The following VPS39 variants were observed in gnomAD, a reference collection of about 807,000 sequenced individuals.
The protein encoded by VPS39 is VPS39 subunit of HOPS complex.
In VPS39, 70 loss-of-function variants were observed where a neutral mutation model predicts 121.0. The ratio of observed to expected loss-of-function variants is 0.58; its 90% confidence interval spans 0.48 to 0.71. The LOEUF is 0.71. Ranked by LOEUF, VPS39 falls within the 30% of genes least tolerant of loss-of-function variation. The pLI, the probability that VPS39 is intolerant of heterozygous loss-of-function variation, is 0.00. For synonymous variants in VPS39, 378 were observed against 398.1 expected (o/e 0.95, Z 0.60); for missense variants, 818 against 1,051.5 (o/e 0.78, Z 3.07).
At chr15:42,172,854 A>G (rs2049373914) in intron 11 of VPS39, among the ~76,000 whole-genome samples, 1 of 152,190 alleles carries the variant, frequency 6.6e-6, no homozygotes, top group Admixed American at 6.5e-5. Context: ...TTCTACTTAA[A>G]CGATCCAGAG....
chr15:42,181,596 T>A (rs1454447126), intron 8 of VPS39, among the ~76,000 whole-genome samples: 1 of 152,182 alleles, frequency 6.6e-6, no homozygotes, highest in Non-Finnish European at 1.5e-5. Flanking sequence ...AGTAAAAAAA[T>A]TAGTAAAAAG....
At chr15:42,204,845 C>T (rs1375940450) in intron 1 of VPS39, among the ~76,000 whole-genome samples, 2 of 151,904 alleles carry the variant, frequency 1.3e-5, no homozygotes, top group Non-Finnish European at 2.9e-5. Context: ...CATTGTTTCT[C>T]TGGAAAATAT....
At chr15:42,189,274 G>T in intron 4 of VPS39, 66 bp from the exon 5 acceptor site, 1 of 1,289,746 alleles carries the variant, frequency 7.8e-7, no homozygotes, top group Non-Finnish European at 1.1e-6. Context: ...CACTATCGAG[G>T]CAAAAAAAGT....
intron 1 of VPS39, among the ~76,000 whole-genome samples, chr15:42,206,931 A>G (rs1211251986): frequency 6.6e-6 from 1 of 152,222 alleles, no homozygotes; most frequent in Non-Finnish European, 1.5e-5. Context: ...GCATTTAATG[A>G]CAGAAATTGG....
At chr15:42,192,012 C>T (rs2049837917) in intron 2 of VPS39, 8 of 1,526,394 alleles carry the variant, frequency 5.2e-6, no homozygotes, top group African/African-American at 1.4e-5. Context: ...GGAGACAGAG[C>T]AAACACTCAA....
chr15:42,171,744 A>G (rs1474487808), intron 11 of VPS39, among the ~76,000 whole-genome samples: 2 of 152,018 alleles, frequency 1.3e-5, no homozygotes, highest in Non-Finnish European at 2.9e-5. Context: ...AATAATAAAC[A>G]ATTACTCCCT....
At position 42,162,078 on chromosome 15, in the gene VPS39, C is replaced by T. The variant is rs551666623; in HGVS notation, c.2414G>A (p.Arg805Gln). Residue 805 changes from arginine (R) to glutamine (Q), a missense_variant, in exon 23 of 25, where the codon CGG becomes CAG. Coordinates refer to ENST00000318006, the MANE Select transcript of VPS39 (RefSeq NM_015289.5). ...KVLEENAQKKRFNQVLKNLLH... is the reference protein window; with the variant it reads ...KVLEENAQKKQFNQVLKNLLH... Reference sequence around the variant, plus strand: ...AAGGTTCTTGAGCACTTGATTGAACCGTTTCTTTTGTGCATTTTCTTCCAA... The same window carrying T: ...AAGGTTCTTGAGCACTTGATTGAACTGTTTCTTTTGTGCATTTTCTTCCAA... The T allele has an allele frequency of 2.5e-6, 4 of 1,614,144 alleles. No individual in the cohort carries two copies. The highest frequency in any genetic ancestry group is 4.5e-5 in the East Asian group (2 of 44,894).
chr15:42,166,642 C>T lies in VPS39; in HGVS notation c.1527G>A (p.Gln509=). 1 of 1,614,174 alleles carries T rather than the reference C, an allele frequency of 6.2e-7. No individual in the cohort carries two copies. ...CTTTCTTGGACTGGTCCACGAGCAC[C>T]TGCAGAGCTGGCCACCAAGCCCAAG... is the stretch of plus-strand genomic sequence containing the variant. ...EKKGLHEKAL[Q]VLVDQSKKAN... The change falls in exon 15 of 25, where the codon CAG becomes CAA. Residue 509 remains glutamine (Q), a synonymous_variant. Coordinates refer to ENST00000318006, the MANE Select transcript of VPS39 (RefSeq NM_015289.5).
intron 8 of VPS39, among the ~76,000 whole-genome samples, chr15:42,180,454 A>G (rs1425924669): frequency 3.3e-5 from 5 of 152,208 alleles, no homozygotes; most frequent in African/African-American, 1.2e-4. Context: ...CAAAGCTTAA[A>G]ATGCTGGATG....
intron 1 of VPS39, among the ~76,000 whole-genome samples, chr15:42,206,864 T>G (rs1018622810): frequency 3.3e-5 from 5 of 152,238 alleles, no homozygotes; most frequent in African/African-American, 1.2e-4. Flanking sequence ...TTTCATGCAG[T>G]GTCAGGTCTT....
Position 42,208,289 on chromosome 15 carries a change from A to G in VPS39, c.-136T>C. The G allele has an allele frequency of 1.8e-6, 2 of 1,139,868 alleles. No homozygotes were observed. Among genetic ancestry groups the G allele is most frequent in the South Asian group, 1.5e-5 (1 of 64,836 alleles). The allele number at this position is 1,139,868 out of a possible 1,614,324, so 70.6% of individuals were successfully genotyped here. A position where few individuals can be genotyped will look rare whatever the true frequency, so the allele number is the denominator to read the frequency against. The stretch of plus-strand genomic sequence containing the variant: ...CCGGCTACAGGCCCTTCAACAACAC[A>G]GCCATCGTCAACCCCGGACTTCCTG... On this transcript the variant is annotated 5_prime_UTR_variant, in exon 1 of 25. Coordinates refer to ENST00000318006, the MANE Select transcript of VPS39 (RefSeq NM_015289.5).
At chr15:42,174,896 C>G (rs1456623232) in intron 10 of VPS39, among the ~76,000 whole-genome samples, 2 of 151,970 alleles carry the variant, frequency 1.3e-5, no homozygotes, top group Non-Finnish European at 2.9e-5. Flanking sequence ...ACTGCTTGAA[C>G]CCAGGAGGCG....
chr15:42,191,632 C>T, intron 2 of VPS39, 72 bp from the exon 3 acceptor site: 2 of 1,205,204 alleles, frequency 1.7e-6, no homozygotes, highest in Non-Finnish European at 2.4e-6. Flanking sequence ...TAGAAAAATA[C>T]TGCTCCATAC....
At chr15:42,190,657 G>A (rs1362441272) in intron 4 of VPS39, among the ~76,000 whole-genome samples, 1 of 152,202 alleles carries the variant, frequency 6.6e-6, no homozygotes, top group Non-Finnish European at 1.5e-5. Flanking sequence ...GTGATACGCT[G>A]CTGGCCTCTT....
At chr15:42,163,222 C>A in intron 21 of VPS39, 128 bp downstream of exon 21, 1 of 1,133,820 alleles carries the variant, frequency 8.8e-7, no homozygotes, top group Non-Finnish European at 1.3e-6. Context: ...TCAATACACA[C>A]ATGCAAGATC....
chr15:42,196,177 G>A (rs112448669), intron 2 of VPS39, among the ~76,000 whole-genome samples: 22,694 of 151,488 alleles, frequency 0.15, 2,276 homozygotes, highest in African/African-American at 0.27. Flanking sequence ...AATTCAAGAT[G>A]GATTAAAGAC....
rs1595650793 is a variant in VPS39 at position 42,171,714 on chromosome 15, T to A, written c.1091-1848A>T. The stretch of plus-strand genomic sequence containing the variant: ...ATCCATCTCCAGGACTTTTCCATCA[T>A]CTCAAATTGAAACTACCTTAATAAT... On this transcript the variant is annotated intron_variant, in intron 11 of 24. Transcript: ENST00000318006. Among the ~76,000 whole-genome samples, 3 of 152,212 alleles carry A rather than the reference T, an allele frequency of 2.0e-5. No homozygotes were observed. The East Asian group carries it at 5.8e-4, about 29-fold the overall frequency.
chr15:42,163,284 C>T, intron 21 of VPS39, 66 bp downstream of exon 21: 1 of 1,584,970 alleles, frequency 6.3e-7, no homozygotes, highest in Non-Finnish European at 8.7e-7. Context: ...ATATTATTGC[C>T]ACCTCTGGTC....
intron 7 of VPS39, among the ~76,000 whole-genome samples, chr15:42,185,178 C>CTTTTTT (rs34792839): frequency 7.3e-6 from 1 of 136,244 alleles, no homozygotes; most frequent in South Asian, 2.3e-4. Context: ...TTGAAAACAA[C>CTTTTTT]TTTTTTTTTT....
Sources: allele counts gnomAD v4.1 joint callset (sites outside exome capture counted in the v4.1 genomes callset), GRCh38; gene constraint gnomAD v4.1.1; transcripts MANE v1.5; gene names NCBI Gene and HGNC (gene_info 2026-07-23, HGNC 2026-07-21).